The following CHRNG variants were observed in gnomAD, a reference collection of about 807,000 sequenced individuals.
The protein encoded by CHRNG is cholinergic receptor nicotinic gamma subunit, also known as acetylcholine receptor subunit gamma.
CHRNG carries 72 observed loss-of-function variants against 65.2 expected under a neutral mutation model. The observed-to-expected ratio is 1.10, with a 90% CI of 0.91 to 1.34. CHRNG has a LOEUF of 1.34. CHRNG is among the 40% of genes most tolerant of loss of function. The pLI, the probability that CHRNG is intolerant of heterozygous loss-of-function variation, is 0.00. For synonymous variants in CHRNG, 284 were observed against 290.2 expected, an observed-to-expected ratio of 0.98 and a Z score of 0.22; for missense variants, 637 against 680.1, an observed-to-expected ratio of 0.94 and a Z score of 0.70.
At position 232,542,404 on chromosome 2, in the gene CHRNG, T is replaced by C. The variant is rs762753205; in HGVS notation, c.507-19T>C. ...GGTCCACCCGCTCACATTTAGCCTC[T>C]TTCCTCGGTGACTCCCAGGTCCCAG... On this transcript the variant is annotated intron_variant, in intron 5 of 11. Coordinates refer to ENST00000651502, the MANE Select transcript of CHRNG (RefSeq NM_005199.5). 5 of 1,587,052 alleles carry C rather than the reference T, an allele frequency of 3.2e-6. No homozygotes were observed. In the South Asian group the frequency reaches 5.6e-5, roughly 18 times the overall value.
chr2:232,542,372 C>T (rs780226198), intron 5 of CHRNG, 51 bp from the exon 6 acceptor site: 36 of 1,229,114 alleles, frequency 2.9e-5, no homozygotes, highest in African/African-American at 1.3e-4. Flanking sequence ...CCCATGCAGT[C>T]GTGGCAGGTC....
Position 232,540,673 on chromosome 2 carries a change from C to A in CHRNG, c.312C>A (p.Ser104=). The change falls in exon 4 of 12, where the codon TCC becomes TCA. Residue 104 remains serine, a synonymous_variant. Coordinates refer to ENST00000651502, the MANE Select transcript of CHRNG (RefSeq NM_005199.5). This position sits in a 1 kb window ranked among gnomAD's most constrained non-coding sequence, Gnocchi z 4.2. ...GCCTGTGGGTGCTGAGGGTGCCGTC[C>A]ACCATGGTGTGGCGGCCGGATATCG... ...YEGLWVLRVP[S]TMVWRPDIVL... 1.1e-5 allele frequency: 17 copies of A among 1,613,176 alleles called. No homozygotes were observed. The highest frequency in any genetic ancestry group is 1.4e-5 in the Non-Finnish European group (17 of 1,179,958).
At chr2:232,543,929 T>A (rs1352827004) in intron 9 of CHRNG, among the ~76,000 whole-genome samples, 1 of 152,172 alleles carries the variant, frequency 6.6e-6, no homozygotes, top group Non-Finnish European at 1.5e-5. Flanking sequence ...CCATATCACC[T>A]CCAATTACAG....
chr2:232,544,962 G>C, intron 11 of CHRNG, 60 bp downstream of exon 11: 1 of 1,607,790 alleles, frequency 6.2e-7, no homozygotes, highest in Non-Finnish European at 8.5e-7. Flanking sequence ...AACCGTGATA[G>C]AGACAGGATG....
chr2:232,540,440 T>G lies in CHRNG; in HGVS notation c.240+15T>G. 1 of 1,613,552 alleles carries G rather than the reference T, an allele frequency of 6.2e-7. No individual in the cohort carries two copies. Among genetic ancestry groups the G allele is most frequent in the Non-Finnish European group, 8.5e-7 (1 of 1,179,934 alleles). On this transcript the variant is annotated intron_variant, in intron 3 of 11. Coordinates refer to ENST00000651502, the MANE Select transcript of CHRNG (RefSeq NM_005199.5). This position sits in a 1 kb window ranked among gnomAD's most constrained non-coding sequence, Gnocchi z 4.2. ...GGATAGAGATGGTAAGAGGCCACCC[T>G]GCCACCCTCCTTCCATCAGGGGTCC...
chr2:232,545,251 G>T (rs1389986419), intron 11 of CHRNG, among the ~76,000 whole-genome samples: 1 of 151,342 alleles, frequency 6.6e-6, no homozygotes, highest in Non-Finnish European at 1.5e-5. Flanking sequence ...AGGTTGCAGT[G>T]AGCCAAGCCA....
Position 232,543,681 on chromosome 2 carries a change from G to A in CHRNG, c.1017G>A (p.Met339Ile). The change falls in exon 9 of 12, where the codon ATG becomes ATA. Residue 339 changes from methionine to isoleucine, a missense_variant. Transcript: ENST00000651502. ...VSLRSPHTHS[M>I]ARGVRKVFLR... Reference sequence around the variant, plus strand: ...TGCGGTCTCCACACACACACTCCATGGCCCGAGGGGTCCGCAAGGCAAGGA... The same window carrying A: ...TGCGGTCTCCACACACACACTCCATAGCCCGAGGGGTCCGCAAGGCAAGGA... 6.2e-7 allele frequency: 1 copy of A among 1,610,690 alleles called. No homozygotes were observed. The highest frequency in any genetic ancestry group is 1.1e-5 in the South Asian group (1 of 90,992).
intron 9 of CHRNG, 65 bp from the exon 10 acceptor site, chr2:232,544,302 C>T (rs1376318641): frequency 6.3e-6 from 8 of 1,276,476 alleles, no homozygotes; most frequent in East Asian, 2.3e-5. Context: ...AAGCCCTTCA[C>T]GCCAACCTCT....
Position 232,547,826 on chromosome 2 carries a change from A to T in CHRNG, c.*2110A>T, listed in dbSNP as rs978739848. Reference sequence around the variant, plus strand: ...GATTAGCTCCTTGTACACAATAAACACTCAAATGTTAACATTAGCTGCCAT... The same window carrying T: ...GATTAGCTCCTTGTACACAATAAACTCTCAAATGTTAACATTAGCTGCCAT... On this transcript the variant is annotated 3_prime_UTR_variant, in exon 12 of 12. Coordinates refer to ENST00000651502, the MANE Select transcript of CHRNG (RefSeq NM_005199.5). 2 of 276,454 alleles carry T rather than the reference A, an allele frequency of 7.2e-6. No homozygotes were observed. Among genetic ancestry groups the T allele is most frequent in the Non-Finnish European group, 1.3e-5 (2 of 149,182 alleles). The allele number at this position is 276,454 out of a possible 1,614,324, so 17.1% of individuals were successfully genotyped here.
rs542378497 is a variant in CHRNG at position 232,540,302 on chromosome 2, T to C, written c.196-79T>C. The C allele has an allele frequency of 3.1e-5, 50 of 1,600,918 alleles. No individual in the cohort carries two copies. The African/African-American group carries it at 6.2e-4, about 20-fold the overall frequency. ...GTACTATCAAGAGGCTGGGGGATGC[T>C]TGGCCCCATTGGTGGCCTGTGGGGA... On this transcript the variant is annotated intron_variant, in intron 2 of 11. Coordinates refer to ENST00000651502, the MANE Select transcript of CHRNG (RefSeq NM_005199.5). The surrounding 1 kb of genome is among the most constrained non-coding windows in gnomAD (Gnocchi z 4.2).
Position 232,539,703 on chromosome 2 carries a change from T to G in CHRNG, c.-45T>G. The G allele has an allele frequency of 1.3e-6, 2 of 1,597,044 alleles. No individual in the cohort carries two copies. The highest frequency in any genetic ancestry group is 1.7e-6 in the Non-Finnish European group (2 of 1,165,652). Reference sequence around the variant, plus strand: ...GCCCATCTCTCTCTGCCCCAGACCTTGGAGCTGTTGTCCCACCCCTGTCAC... The same window carrying G: ...GCCCATCTCTCTCTGCCCCAGACCTGGGAGCTGTTGTCCCACCCCTGTCAC... On this transcript the variant is annotated 5_prime_UTR_variant, in exon 1 of 12. Coordinates refer to ENST00000651502, the MANE Select transcript of CHRNG (RefSeq NM_005199.5).
chr2:232,541,280 C>G lies in CHRNG; in HGVS notation c.351-94C>G, dbSNP rs550819398. 6.7e-7 allele frequency: 1 copy of G among 1,499,164 alleles called. No homozygotes were observed. Among genetic ancestry groups the G allele is most frequent in the African/African-American group, 1.4e-5 (1 of 72,538 alleles). 92.9% of individuals were successfully genotyped at this position (1,499,164 alleles called of 1,614,324 possible). ...GCTGGTAGGGACTGGTGTCCCCAGGCCCCTATCCACATGGGGCACAGGGGC... is the reference window on the plus strand; with the variant it reads ...GCTGGTAGGGACTGGTGTCCCCAGGGCCCTATCCACATGGGGCACAGGGGC... On this transcript the variant is annotated intron_variant, in intron 4 of 11. Coordinates refer to ENST00000651502, the MANE Select transcript of CHRNG (RefSeq NM_005199.5). The surrounding 1 kb of genome is among the most constrained non-coding windows in gnomAD (Gnocchi z 4.0).
In CHRNG at chr2:232,540,589, C is replaced by A. The variant is rs1472908894; in HGVS notation, c.241-13C>A. ...AGAGGGCAGAGGCCTAGCAACTGCC[C>A]CTCCCCCTGCAGCAGTGGTGCGACT... On this transcript the variant is annotated splice_polypyrimidine_tract_variant and intron_variant, in intron 3 of 11. Transcript: ENST00000651502. The surrounding 1 kb of genome is among the most constrained non-coding windows in gnomAD (Gnocchi z 4.2). The A allele has an allele frequency of 1.2e-6, 2 of 1,609,664 alleles. No individual in the cohort carries two copies. The highest frequency in any genetic ancestry group is 1.7e-6 in the Non-Finnish European group (2 of 1,179,386).
Position 232,548,039 on chromosome 2 carries a change from G to C in CHRNG, c.*2323G>C. The C allele has an allele frequency of 1.8e-6, 1 of 559,494 alleles. No individual in the cohort carries two copies. The highest frequency in any genetic ancestry group is 1.9e-5 in the African/African-American group (1 of 52,294). 34.7% of individuals were successfully genotyped at this position (559,494 alleles called of 1,614,324 possible). ...ACTGTAGACCAGCAAGAGTGCAATA[G>C]CATTGTCTAATAAAACAATATACAT... On this transcript the variant is annotated 3_prime_UTR_variant, in exon 12 of 12. Coordinates refer to ENST00000651502, the MANE Select transcript of CHRNG (RefSeq NM_005199.5).
chr2:232,544,018 C>T (rs1051440400), intron 9 of CHRNG, among the ~76,000 whole-genome samples: 1 of 152,232 alleles, frequency 6.6e-6, no homozygotes, highest in Non-Finnish European at 1.5e-5. Flanking sequence ...CAGGAGTCTG[C>T]CAGGGCAGTC....
In CHRNG at chr2:232,540,085, T is replaced by A. The variant is rs1335937161; in HGVS notation, c.149T>A (p.Val50Glu). Reference protein sequence around the residue: ...NLRPAERDSDVVNVSLKLTLT... With the variant: ...NLRPAERDSDEVNVSLKLTLT... ...CGGCCCGCGGAACGAGACTCGGATGTGGTCAATGTCAGCCTGAAGCTAACC... is the reference window on the plus strand; with the variant it reads ...CGGCCCGCGGAACGAGACTCGGATGAGGTCAATGTCAGCCTGAAGCTAACC... Residue 50 changes from valine to glutamate, a missense_variant, in exon 2 of 12, where the codon GTG becomes GAG. By Grantham distance (121) the Val-to-Glu change is moderately radical (BLOSUM62 -2). Transcript: ENST00000651502. This position sits in a 1 kb window ranked among gnomAD's most constrained non-coding sequence, Gnocchi z 4.2. 6.2e-7 allele frequency: 1 copy of A among 1,614,154 alleles called. No homozygotes were observed. The highest frequency in any genetic ancestry group is 1.7e-5 in the Admixed American group (1 of 60,034).
At chr2:232,544,131 T>C (rs1463939398) in intron 9 of CHRNG, among the ~76,000 whole-genome samples, 1 of 152,182 alleles carries the variant, frequency 6.6e-6, no homozygotes, top group Non-Finnish European at 1.5e-5. Context: ...TAGGCCAGAA[T>C]AGCATGAGGG....
chr2:232,544,817 A>G lies in CHRNG; in HGVS notation c.1295A>G (p.Lys432Arg). 1 of 1,613,456 alleles carries G rather than the reference A, an allele frequency of 6.2e-7. No individual in the cohort carries two copies. The highest frequency in any genetic ancestry group is 1.1e-5 in the South Asian group (1 of 91,072). The change falls in exon 11 of 12, where the codon AAG (lysine) becomes AGG (arginine). Residue 432 changes from lysine to arginine, a missense_variant. Coordinates refer to ENST00000651502, the MANE Select transcript of CHRNG (RefSeq NM_005199.5). ...LGLSQFCGSL[K>R]QAAPAIQACV... The stretch of plus-strand genomic sequence containing the variant: ...CTGAGCCAGTTCTGTGGCAGCCTGA[A>G]GCAGGCTGCCCCAGCCATCCAGGCC...
Position 232,545,721 on chromosome 2 carries a change from A to G in CHRNG, c.*5A>G. 1 of 1,614,116 alleles carries G rather than the reference A, an allele frequency of 6.2e-7. No individual in the cohort carries two copies. Among genetic ancestry groups the G allele is most frequent in the Non-Finnish European group, 8.5e-7 (1 of 1,180,040 alleles). On this transcript the variant is annotated 3_prime_UTR_variant, in exon 12 of 12. Transcript: ENST00000651502. ...TACCTGCCCTCACCAGACTGAGCCA[A>G]CCAACCACTGTGGGGCATGTGGGAG...
Sources: gnomAD v4.1 joint callset for allele counts (sites outside exome capture counted in the v4.1 genomes callset) on GRCh38, gnomAD v4.1.1 for gene constraint, Gnocchi (gnomAD v3.1) non-coding constraint, MANE v1.5 for transcripts, NCBI Gene and HGNC (gene_info 2026-07-23, HGNC 2026-07-21) for gene names.